The following NFATC3 variants were observed in gnomAD, a reference collection of about 807,000 sequenced individuals.
The protein encoded by NFATC3 is nuclear factor of activated T-cells, cytoplasmic 3.
In NFATC3, 46 loss-of-function variants were observed where a neutral mutation model predicts 98.6. That is an observed-to-expected ratio of 0.47 (90% CI 0.37 to 0.60). The LOEUF (loss-of-function observed/expected upper bound fraction) is 0.60, where lower values mean the gene tolerates loss of function less well. Among genes scored for constraint, NFATC3 ranks in the 20% least tolerant of loss-of-function variants. The pLI, the probability that NFATC3 is intolerant of heterozygous loss-of-function variation, is 0.00. For synonymous variants in NFATC3, 512 were observed against 472.2 expected (o/e 1.08, Z -1.09); for missense variants, 1,256 against 1,295.5 (o/e 0.97, Z 0.47).
intron 3 of NFATC3, chr16:68,138,616 T>A: frequency 7.8e-7 from 1 of 1,289,162 alleles, no homozygotes; most frequent in Non-Finnish European, 1.0e-6. Context: ...CTTAACTACA[T>A]TAACCTGGAA....
At chr16:68,141,310 T>C (rs989949810) in intron 3 of NFATC3, among the ~76,000 whole-genome samples, 1 of 152,232 alleles carries the variant, frequency 6.6e-6, no homozygotes, top group South Asian at 2.1e-4. Flanking sequence ...TCTTTTCCTT[T>C]GTATAGATAC....
chr16:68,158,510 A>G (rs2038726027), intron 4 of NFATC3, among the ~76,000 whole-genome samples: 1 of 152,232 alleles, frequency 6.6e-6, no homozygotes, highest in African/African-American at 2.4e-5. Flanking sequence ...GTTTTGTACA[A>G]AAGGATTATA....
chr16:68,128,224 C>T (rs1458173395), intron 3 of NFATC3, among the ~76,000 whole-genome samples: 1 of 151,966 alleles, frequency 6.6e-6, no homozygotes, highest in African/African-American at 2.4e-5. Context: ...ATAAAATCTA[C>T]AAATTATCAT....
At chr16:68,223,672 G>C (rs2041943652) in intron 9 of NFATC3, among the ~76,000 whole-genome samples, 1 of 151,970 alleles carries the variant, frequency 6.6e-6, no homozygotes, top group Non-Finnish European at 1.5e-5. Context: ...TGAGGCAGGT[G>C]GATCATGAGG....
At chr16:68,202,539 C>T (rs999372825) in intron 9 of NFATC3, among the ~76,000 whole-genome samples, 9 of 152,130 alleles carry the variant, frequency 5.9e-5, no homozygotes, top group Non-Finnish European at 8.8e-5. Context: ...AGGCAAGGCG[C>T]GGTGGCTGAC....
At chr16:68,184,630 C>T (rs1469273562) in intron 8 of NFATC3, among the ~76,000 whole-genome samples, 1 of 151,832 alleles carries the variant, frequency 6.6e-6, no homozygotes. Flanking sequence ...GGTGAAACCC[C>T]GTCTCTACTA....
chr16:68,151,723 T>G (rs1018559089), intron 3 of NFATC3, among the ~76,000 whole-genome samples: 2 of 152,146 alleles, frequency 1.3e-5, no homozygotes, highest in African/African-American at 4.8e-5. Context: ...AAAAAATGCC[T>G]CTGCTCCACC....
intron 9 of NFATC3, among the ~76,000 whole-genome samples, chr16:68,219,095 A>T (rs561378137): frequency 3.4e-5 from 5 of 147,968 alleles, no homozygotes; most frequent in Non-Finnish European, 5.9e-5. Flanking sequence ...CCCAAAAATA[A>T]ATCAGCTGGA....
intron 9 of NFATC3, among the ~76,000 whole-genome samples, chr16:68,198,417 A>G (rs2040762325): frequency 6.6e-6 from 1 of 152,240 alleles, no homozygotes; most frequent in Middle Eastern, 3.2e-3. Flanking sequence ...GTGTTCATCC[A>G]GGATAAGACA....
chr16:68,158,890 A>G (rs990502326), intron 4 of NFATC3, among the ~76,000 whole-genome samples: 10 of 152,194 alleles, frequency 6.6e-5, no homozygotes, highest in African/African-American at 2.4e-4. Context: ...TCATGCTTAT[A>G]TGTAAGGAAC....
intron 9 of NFATC3, among the ~76,000 whole-genome samples, chr16:68,211,892 G>A (rs953449016): frequency 6.6e-6 from 1 of 152,178 alleles, no homozygotes; most frequent in Non-Finnish European, 1.5e-5. Context: ...TGGAGCTCAC[G>A]AAAGTGCTTC....
rs60331468 is a variant in NFATC3, at chr16:68,135,457, CAAAAAAAAAA to C, written c.1401+8864_1401+8873del. On this transcript the variant is annotated intron_variant, in intron 3 of 9. Transcript: ENST00000346183. The stretch of plus-strand genomic sequence containing the variant: ...TGGGGGACACAGCGAGACTCCGTCT[CAAAAAAAAAA>C]AAAAAAAAAAAAAAAAGAAACTGAA... Among the ~76,000 whole-genome samples, 483 of 78,682 alleles carry C rather than the reference CAAAAAAAAAA, an allele frequency of 6.1e-3. 12 individuals are homozygous for C. The East Asian group carries it at 0.16, about 25-fold the overall frequency. The allele number at this position is 78,682 out of a possible 152,430, so 51.6% of individuals were successfully genotyped here. A position where few individuals can be genotyped will look rare whatever the true frequency, so the allele number is the denominator to read the frequency against.
At chr16:68,167,676 A>T (rs1299931256) in intron 5 of NFATC3, among the ~76,000 whole-genome samples, 6 of 152,032 alleles carry the variant, frequency 3.9e-5, no homozygotes, top group Non-Finnish European at 8.8e-5. Flanking sequence ...ATAGGAGAAA[A>T]CAGAGGCACA....
chr16:68,215,653 T>C (rs2041602642), intron 9 of NFATC3, among the ~76,000 whole-genome samples: 1 of 151,236 alleles, frequency 6.6e-6, no homozygotes, highest in Non-Finnish European at 1.5e-5. Context: ...AAGAATTAGA[T>C]ACAGAGGGGA....
intron 9 of NFATC3, chr16:68,221,772 T>G (rs1456457326): frequency 4.7e-6 from 1 of 212,496 alleles, no homozygotes; most frequent in East Asian, 1.8e-4. Flanking sequence ...TTCAGCTAAG[T>G]AAGGTGAGGC....
intron 3 of NFATC3, chr16:68,138,868 C>T: frequency 5.8e-6 from 6 of 1,038,006 alleles, no homozygotes; most frequent in Non-Finnish European, 7.4e-6. Context: ...GGCTCTAGAG[C>T]CAGACTGTTT....
At chr16:68,135,618 G>C (rs1373933514) in intron 3 of NFATC3, among the ~76,000 whole-genome samples, 1 of 151,958 alleles carries the variant, frequency 6.6e-6, no homozygotes, top group Non-Finnish European at 1.5e-5. Context: ...TTTAATTAAA[G>C]CCGATACCTT....
intron 9 of NFATC3, among the ~76,000 whole-genome samples, chr16:68,198,740 C>A (rs1363722266): frequency 6.6e-6 from 1 of 152,020 alleles, no homozygotes; most frequent in Non-Finnish European, 1.5e-5. Flanking sequence ...CCTGTCTCTA[C>A]CAAAAATTTA....
chr16:68,106,030 G>T (rs1410215995), intron 1 of NFATC3, among the ~76,000 whole-genome samples: 1 of 151,644 alleles, frequency 6.6e-6, no homozygotes, highest in African/African-American at 2.4e-5. Flanking sequence ...CACCACGCCA[G>T]GCTAACTTTT....
Sources: gnomAD v4.1 joint callset for allele counts (sites outside exome capture counted in the v4.1 genomes callset) on GRCh38, gnomAD v4.1.1 for gene constraint, MANE v1.5 for transcripts, NCBI Gene and HGNC (gene_info 2026-07-23, HGNC 2026-07-21) for gene names.